Variants in CDH1 observed in about 807,000 individuals in gnomAD.
CDH1 encodes cadherin 1, also known as cadherin-1.
Under a neutral mutation model 84.5 loss-of-function variants are expected in CDH1, and 35 were observed. The observed-to-expected ratio is 0.41, with a 90% confidence interval of 0.32 to 0.55. The LOEUF is 0.55. Ranked by LOEUF, CDH1 falls within the 20% of genes least tolerant of loss-of-function variation. The pLI is 0.19. For missense variants in CDH1, 994 were observed against 1,126.6 expected, an observed-to-expected ratio of 0.88 and a Z score of 1.68; for synonymous variants, 417 against 439.0, an observed-to-expected ratio of 0.95 and a Z score of 0.63.
At chr16:68,796,698 C>A (rs1335678366) in intron 2 of CDH1, among the ~76,000 whole-genome samples, 2 of 151,920 alleles carry the variant, frequency 1.3e-5, no homozygotes, top group Non-Finnish European at 2.9e-5. Context: ...GGTTTAATAG[C>A]AGCATGCAGG....
rs1410833063 is a variant in CDH1, at chr16:68,738,384, C to T, written c.136C>T (p.Leu46=). ...CACGTTCACGGTGCCCCGGCGCCAC[C>T]TGGAGAGAGGCCGCGTCCTGGGCAG... ...SYTFTVPRRH[L]ERGRVLGRVN... Residue 46 remains leucine (L), a synonymous_variant, in exon 2 of 16, where the codon CTG becomes TTG. Coordinates refer to ENST00000261769, the MANE Select transcript of CDH1 (RefSeq NM_004360.5). The T allele has an allele frequency of 2.6e-6, 4 of 1,550,554 alleles. No homozygotes were observed. Among genetic ancestry groups the T allele is most frequent in the South Asian group, 2.4e-5 (2 of 83,970 alleles).
intron 2 of CDH1, among the ~76,000 whole-genome samples, chr16:68,765,956 A>T (rs1015809490): frequency 6.6e-6 from 1 of 151,864 alleles, no homozygotes; most frequent in Non-Finnish European, 1.5e-5. Flanking sequence ...GTTTCACATC[A>T]CCCCTACTAT....
intron 2 of CDH1, among the ~76,000 whole-genome samples, chr16:68,758,633 T>A (rs1438047749): frequency 7.3e-6 from 1 of 136,430 alleles, no homozygotes; most frequent in African/African-American, 2.7e-5. Context: ...ATTAGATGTT[T>A]CTGCTTTAGA....
In CDH1 at chr16:68,815,496, C is replaced by T. The variant is rs202163839; in HGVS notation, c.1321-19C>T. 4.3e-6 allele frequency: 7 copies of T among 1,614,024 alleles called. No homozygotes were observed. Among genetic ancestry groups the T allele is most frequent in the Non-Finnish European group, 5.1e-6 (6 of 1,180,012 alleles). On this transcript the variant is annotated intron_variant, in intron 9 of 15. Coordinates refer to ENST00000261769, the MANE Select transcript of CDH1 (RefSeq NM_004360.5). ...AAATGTTTCGTTTTGTTTTTAACTT[C>T]ATTGTTTCTGCTCTCTAGGGCTTGG...
intron 2 of CDH1, among the ~76,000 whole-genome samples, chr16:68,741,719 G>A (rs937440705): frequency 2.0e-5 from 3 of 151,190 alleles, no homozygotes; most frequent in African/African-American, 4.9e-5. Context: ...TGCTCTTGCC[G>A]CCCAGCCTGG....
intron 2 of CDH1, among the ~76,000 whole-genome samples, chr16:68,748,071 A>AT (rs902811734): frequency 2.7e-5 from 3 of 109,214 alleles, no homozygotes; most frequent in African/African-American, 4.4e-5. Flanking sequence ...GCCCATTTTT[A>AT]TTTTTTTTAA....
At position 68,771,934 on chromosome 16, in the gene CDH1, C is replaced by G. The variant is rs568289279; in HGVS notation, c.164-29736C>G. On this transcript the variant is annotated intron_variant, in intron 2 of 15. Coordinates refer to ENST00000261769, the MANE Select transcript of CDH1 (RefSeq NM_004360.5). The stretch of plus-strand genomic sequence containing the variant: ...TGCTAAAGGGCTTTACGTGGATTAA[C>G]TTGTTGAATCATCCCATCCCCTTAG... Among the ~76,000 whole-genome samples the G allele has an allele frequency of 5.9e-5, 9 of 152,230 alleles. No individual in the cohort carries two copies. In the South Asian group the frequency reaches 1.9e-3, roughly 32 times the overall value.
chr16:68,748,859 G>A (rs1311712811), intron 2 of CDH1, among the ~76,000 whole-genome samples: 4 of 152,198 alleles, frequency 2.6e-5, no homozygotes, highest in African/African-American at 9.7e-5. Flanking sequence ...TTTGTTTTGA[G>A]ACGGAGTCTC....
intron 5 of CDH1, 25 bp downstream of exon 5, chr16:68,808,873 G>T: frequency 6.2e-7 from 1 of 1,612,532 alleles, no homozygotes; most frequent in South Asian, 1.1e-5. Context: ...GAAGCTTGTT[G>T]ACACCGGGGT....
chr16:68,805,421 C>G (rs1028376619), intron 3 of CDH1, among the ~76,000 whole-genome samples: 80 of 152,312 alleles, frequency 5.3e-4, no homozygotes, highest in African/African-American at 1.9e-3. Flanking sequence ...GTTTTGCCAG[C>G]ACAGTGTTCA....
At position 68,833,554 on chromosome 16, in the gene CDH1, G is replaced by T. The variant is rs897835719; in HGVS notation, c.*55G>T. 7.1e-7 allele frequency: 1 copy of T among 1,415,122 alleles called. No homozygotes were observed. The highest frequency in any genetic ancestry group is 2.3e-5 in the East Asian group (1 of 43,944). The allele number at this position is 1,415,122 out of a possible 1,614,324, so 87.7% of individuals were successfully genotyped here. ...ATGTGCTGGGAAATGCAGAAATCACGTTGCTGGTGGTTTTTCAGCTCCCTT... is the reference window on the plus strand; with the variant it reads ...ATGTGCTGGGAAATGCAGAAATCACTTTGCTGGTGGTTTTTCAGCTCCCTT... On this transcript the variant is annotated 3_prime_UTR_variant, in exon 16 of 16. Coordinates refer to ENST00000261769, the MANE Select transcript of CDH1 (RefSeq NM_004360.5).
intron 14 of CDH1, 130 bp downstream of exon 14, chr16:68,828,434 G>A (rs2152141745): frequency 1.2e-6 from 1 of 853,486 alleles, no homozygotes; most frequent in Non-Finnish European, 1.9e-6. Context: ...CCTTACCCAA[G>A]AAAGTAGACA....
intron 2 of CDH1, among the ~76,000 whole-genome samples, chr16:68,774,291 G>A (rs924708123): frequency 6.6e-6 from 1 of 152,202 alleles, no homozygotes; most frequent in African/African-American, 2.4e-5. Context: ...TTGGGAGGCC[G>A]AGTCGGGCAG....
chr16:68,815,784 A>T lies in CDH1; in HGVS notation c.1565+25A>T, dbSNP rs1056818002. 3 of 1,613,054 alleles carry T rather than the reference A, an allele frequency of 1.9e-6. No homozygotes were observed. In the African/African-American group the frequency reaches 4.0e-5, roughly 22 times the overall value. On this transcript the variant is annotated intron_variant, in intron 10 of 15. Coordinates refer to ENST00000261769, the MANE Select transcript of CDH1 (RefSeq NM_004360.5). ...CGTAAGTGTGAGGATTTTTCAACTG[A>T]CTTGCAGCAACTGGTTATTTTATAT...
At chr16:68,765,908 G>T (rs527411261) in intron 2 of CDH1, among the ~76,000 whole-genome samples, 1 of 152,126 alleles carries the variant, frequency 6.6e-6, no homozygotes, top group Admixed American at 6.6e-5. Context: ...TTCACTTACT[G>T]GTATGCATTT....
At chr16:68,796,055 C>T (rs1358597719) in intron 2 of CDH1, among the ~76,000 whole-genome samples, 8 of 151,618 alleles carry the variant, frequency 5.3e-5, no homozygotes, top group East Asian at 3.9e-4. Context: ...CCCAGCTACT[C>T]GGGAGGCTGG....
Position 68,751,792 on chromosome 16 carries a change from C to T in CDH1, c.163+13381C>T, listed in dbSNP as rs767574318. ...TGCTGGGATTATAGGGATGAGCCAC[C>T]GTGCCTGGCCCAATTTATTTATTTT... On this transcript the variant is annotated intron_variant, in intron 2 of 15. Transcript: ENST00000261769. 5.9e-5 allele frequency among the ~76,000 whole-genome samples: 9 copies of T among 151,624 alleles called. No homozygotes were observed. In the South Asian group the frequency reaches 6.3e-4, roughly 11 times the overall value.
chr16:68,804,410 GC>G (rs2152128079), intron 3 of CDH1, among the ~76,000 whole-genome samples: 1 of 152,162 alleles, frequency 6.6e-6, no homozygotes, highest in Admixed American at 6.5e-5. Context: ...ACTGCGCCCG[GC>G]CCTATCTGCC....
At chr16:68,771,801 A>C (rs1279355529) in intron 2 of CDH1, among the ~76,000 whole-genome samples, 2 of 151,798 alleles carry the variant, frequency 1.3e-5, no homozygotes, top group African/African-American at 4.8e-5. Context: ...TATGTTGCCC[A>C]GGCTGGTCTC....
Sources: gnomAD v4.1 joint callset for allele counts (sites outside exome capture counted in the v4.1 genomes callset) on GRCh38, gnomAD v4.1.1 for gene constraint, MANE v1.5 for transcripts, NCBI Gene and HGNC (gene_info 2026-07-23, HGNC 2026-07-21) for gene names.